Variants in NAV2 observed in about 807,000 individuals in gnomAD.
The protein encoded by NAV2 is helicase, APC down-regulated 1.
Under a neutral mutation model 223.2 loss-of-function variants are expected in NAV2, and 54 were observed. The ratio of observed to expected loss-of-function variants is 0.24; its 90% confidence interval spans 0.19 to 0.30. NAV2 has a LOEUF of 0.30. Among genes scored for constraint, NAV2 ranks in the 10% least tolerant of loss-of-function variants. The pLI, the probability that NAV2 is intolerant of heterozygous loss-of-function variation, is 1.00. For synonymous variants in NAV2, 1,279 were observed against 1,239.3 expected (o/e 1.03, Z -0.67); for missense variants, 2,806 against 3,147.5 (o/e 0.89, Z 2.60).
chr11:19,692,275 G>A (rs2152265553), intron 1 of NAV2, among the ~76,000 whole-genome samples: 1 of 152,366 alleles, frequency 6.6e-6, no homozygotes, highest in South Asian at 2.1e-4. Flanking sequence ...TGACCTGCAT[G>A]TGACTCACCA....
At chr11:19,907,908 A>G (rs2043003965) in intron 6 of NAV2, among the ~76,000 whole-genome samples, 1 of 152,200 alleles carries the variant, frequency 6.6e-6, no homozygotes, top group African/African-American at 2.4e-5. Flanking sequence ...GCTGGTGACT[A>G]CAGTGTCTTT....
intron 12 of NAV2, among the ~76,000 whole-genome samples, chr11:20,043,276 G>C (rs899016816): frequency 6.6e-6 from 1 of 152,152 alleles, no homozygotes; most frequent in Non-Finnish European, 1.5e-5. Flanking sequence ...ACTGGATGCT[G>C]GTTAGAGATC....
intron 11 of NAV2, among the ~76,000 whole-genome samples, chr11:19,992,583 CTTTTTTTT>C (rs780559920): frequency 9.7e-6 from 1 of 103,582 alleles, no homozygotes; most frequent in African/African-American, 3.7e-5. Flanking sequence ...TCCTGAAGTA[CTTTTTTTT>C]TTTTTTTTTT....
chr11:19,780,177 C>G (rs923044953), intron 1 of NAV2, among the ~76,000 whole-genome samples: 1 of 152,180 alleles, frequency 6.6e-6, no homozygotes, highest in East Asian at 1.9e-4. Flanking sequence ...ACCTGCCCAC[C>G]TAGGAGAGAA....
intron 1 of NAV2, among the ~76,000 whole-genome samples, chr11:19,498,763 T>C (rs2042876498): frequency 6.6e-6 from 1 of 152,210 alleles, no homozygotes; most frequent in Non-Finnish European, 1.5e-5. Context: ...GTTCCAAAGA[T>C]GGAAAGCTTA....
intron 6 of NAV2, among the ~76,000 whole-genome samples, chr11:19,897,046 T>C (rs937737842): frequency 2.0e-5 from 3 of 152,066 alleles, no homozygotes; most frequent in Non-Finnish European, 2.9e-5. Context: ...TGGAATACTA[T>C]GCAGCCATAA....
intron 12 of NAV2, 99 bp from the exon 13 acceptor site, chr11:20,043,882 C>T: frequency 9.5e-7 from 1 of 1,055,332 alleles, no homozygotes; most frequent in South Asian, 1.6e-5. Context: ...CTTATTTTTC[C>T]CTTAACTACT....
At chr11:19,619,332 C>G (rs1215083615) in intron 1 of NAV2, among the ~76,000 whole-genome samples, 1 of 152,104 alleles carries the variant, frequency 6.6e-6, no homozygotes, top group Admixed American at 6.5e-5. Flanking sequence ...GAGGAATCAC[C>G]ACACTGACTT....
In NAV2 at chr11:20,045,247, G is replaced by A; in HGVS notation, c.3479G>A (p.Ser1160Asn). The A allele has an allele frequency of 1.2e-6, 2 of 1,614,214 alleles. No homozygotes were observed. Among genetic ancestry groups the A allele is most frequent in the Non-Finnish European group, 1.7e-6 (2 of 1,180,032 alleles). The stretch of plus-strand genomic sequence containing the variant: ...ATCCCAAAGTCATCTGCACTCGTCA[G>A]TCGGTCTGCTGGTCGGAAGTCAAGT... The part of the protein sequence containing the change: ...GKIPKSSALV[S>N]RSAGRKSSMD... The change falls in exon 14 of 38, where the codon AGT (serine) becomes AAT (asparagine). Residue 1160 changes from serine (S) to asparagine (N), a missense_variant. Transcript: ENST00000349880.
chr11:19,696,544 G>A lies in NAV2; in HGVS notation c.76-135940G>A, dbSNP rs117955718. Among the ~76,000 whole-genome samples, 39 of 152,336 alleles carry A rather than the reference G, an allele frequency of 2.6e-4. No homozygotes were observed. In the East Asian group the frequency reaches 6.2e-3, roughly 24 times the overall value. Reference sequence around the variant, plus strand: ...AAGGCAGAGCTTAGTTCAGCTCAGCGTCTCACAGTGGAGTCCTCAGCCAGC... The same window carrying A: ...AAGGCAGAGCTTAGTTCAGCTCAGCATCTCACAGTGGAGTCCTCAGCCAGC... On this transcript the variant is annotated intron_variant, in intron 1 of 37. Transcript: ENST00000360655.
chr11:19,800,916 A>G (rs919974981), intron 1 of NAV2, among the ~76,000 whole-genome samples: 5 of 152,196 alleles, frequency 3.3e-5, no homozygotes, highest in African/African-American at 1.2e-4. Context: ...CATGAGGCCA[A>G]ATGAACAGTA....
rs1314272102 is a variant in NAV2, at chr11:19,884,289, T to C, written c.770+4162T>C. On this transcript the variant is annotated intron_variant, in intron 5 of 37. Transcript: ENST00000349880. ...TCTTCCACTTTTTTCTTTCCTATCA[T>C]GCAGTGCATCATCCAAGGACTCATC... is the stretch of plus-strand genomic sequence containing the variant. The C allele has an allele frequency of 2.5e-6, 4 of 1,611,928 alleles. 1 individual carries two copies. In the South Asian group the frequency reaches 3.3e-5, roughly 13 times the overall value.
chr11:19,551,357 G>A (rs767416183), intron 1 of NAV2, among the ~76,000 whole-genome samples: 1 of 152,256 alleles, frequency 6.6e-6, no homozygotes, highest in Non-Finnish European at 1.5e-5. Flanking sequence ...TCATCTCTGT[G>A]AGGAGGGGAT....
intron 12 of NAV2, among the ~76,000 whole-genome samples, chr11:20,040,002 C>T (rs1265178192): frequency 1.3e-5 from 2 of 152,196 alleles, no homozygotes; most frequent in Non-Finnish European, 1.5e-5. Flanking sequence ...TCCTCTTCAG[C>T]CCTGTATTTT....
intron 4 of NAV2, among the ~76,000 whole-genome samples, chr11:19,872,759 G>A (rs2062600391): frequency 6.6e-6 from 1 of 152,212 alleles, no homozygotes; most frequent in African/African-American, 2.4e-5. Context: ...TTTGTTCTAG[G>A]GCACAGACGG....
At chr11:19,583,493 A>C (rs1275717396) in intron 1 of NAV2, among the ~76,000 whole-genome samples, 1 of 152,218 alleles carries the variant, frequency 6.6e-6, no homozygotes, top group Admixed American at 6.5e-5. Context: ...TTGCCCATTC[A>C]GTGTGATATT....
intron 1 of NAV2, among the ~76,000 whole-genome samples, chr11:19,537,363 A>G (rs1034771990): frequency 5.9e-5 from 9 of 152,198 alleles, no homozygotes; most frequent in Admixed American, 3.3e-4. Context: ...CCTCACGAGG[A>G]AAGTCTAATA....
chr11:19,663,273 AC>A (rs1361963330), intron 1 of NAV2, among the ~76,000 whole-genome samples: 6 of 152,262 alleles, frequency 3.9e-5, no homozygotes, highest in Non-Finnish European at 7.3e-5. Context: ...TGAAAATAAC[AC>A]AAGCTGATGT....
chr11:20,074,918 T>C (rs951391578), intron 22 of NAV2, among the ~76,000 whole-genome samples: 14 of 152,126 alleles, frequency 9.2e-5, no homozygotes, highest in Admixed American at 3.9e-4. Context: ...TGTCTTTTGA[T>C]TGGGGCATTT....
Sources: allele counts gnomAD v4.1 joint callset (sites outside exome capture counted in the v4.1 genomes callset), GRCh38; gene constraint gnomAD v4.1.1; transcripts MANE v1.5; gene names NCBI Gene and HGNC (gene_info 2026-07-23, HGNC 2026-07-21).